ERAP2: variants seen among roughly 807,000 people sequenced by gnomAD.
The protein encoded by ERAP2 is endoplasmic reticulum aminopeptidase 2.
A neutral mutation model predicts 111.1 loss-of-function variants in ERAP2; 118 were observed. The observed-to-expected ratio is 1.06, with a 90% CI of 0.92 to 1.24. The LOEUF (loss-of-function observed/expected upper bound fraction) is 1.24. Ranked by LOEUF, ERAP2 falls within the 50% of genes most tolerant of loss-of-function variation. The pLI is 0.00. For synonymous variants in ERAP2, 410 were observed against 401.2 expected (o/e 1.02, Z -0.26); for missense variants, 1,131 against 1,125.8 (o/e 1.00, Z -0.07).
chr5:96,913,128 G>A (rs767457260), intron 16 of ERAP2, among the ~76,000 whole-genome samples, 189 bp from the exon 17 acceptor site: 2 of 152,070 alleles, frequency 1.3e-5, no homozygotes, highest in Non-Finnish European at 2.9e-5. Context: ...ATAAGTAAAT[G>A]TTTTTGATAG....
In ERAP2 at chr5:96,902,072, C is replaced by T. The variant is rs962749146; in HGVS notation, c.1749-202C>T. Among the ~76,000 whole-genome samples the T allele has an allele frequency of 1.8e-4, 27 of 152,328 alleles. 1 individual carries two copies. Among genetic ancestry groups the T allele is most frequent in the Non-Finnish European group, 1.6e-4 (11 of 68,030 alleles). On this transcript the variant is annotated intron_variant, in intron 11 of 18. Transcript: ENST00000437043. Reference sequence around the variant, plus strand: ...GAGTTCAACTAGGTAGATATGGCTGCTCCTTTATAATTATCATGGAATAAT... The same window carrying T: ...GAGTTCAACTAGGTAGATATGGCTGTTCCTTTATAATTATCATGGAATAAT...
chr5:96,896,649 G>A (rs1390736455), intron 8 of ERAP2, 83 bp from the exon 9 acceptor site: 19 of 1,464,014 alleles, frequency 1.3e-5, no homozygotes, highest in African/African-American at 7.2e-5. Context: ...CACATGTTCC[G>A]TAAAATTTAA....
chr5:96,913,091 T>C (rs1363976), intron 16 of ERAP2, among the ~76,000 whole-genome samples: 98,944 of 152,056 alleles, frequency 0.65, 32,640 homozygotes, highest in African/African-American at 0.75. Context: ...GATGTGTAAA[T>C]GATGCTAATC....
intron 2 of ERAP2, among the ~76,000 whole-genome samples, chr5:96,882,302 G>C (rs960287715): frequency 6.6e-6 from 1 of 152,182 alleles, no homozygotes; most frequent in African/African-American, 2.4e-5. Flanking sequence ...TATTCTGGGA[G>C]CTGTGGGAGA....
intron 13 of ERAP2, among the ~76,000 whole-genome samples, chr5:96,905,980 T>A (rs1786035083): frequency 6.7e-6 from 1 of 149,524 alleles, no homozygotes; most frequent in African/African-American, 2.5e-5. Context: ...GGTCTCCCTA[T>A]ATTGTACAGG....
At chr5:96,888,580 T>C (rs1784005111) in intron 4 of ERAP2, among the ~76,000 whole-genome samples, 1 of 152,226 alleles carries the variant, frequency 6.6e-6, no homozygotes, top group South Asian at 2.1e-4. Context: ...TTGAAGGACT[T>C]CAGTTAATTC....
chr5:96,876,797 A>G (rs1782580379), intron 1 of ERAP2, among the ~76,000 whole-genome samples: 1 of 152,040 alleles, frequency 6.6e-6, no homozygotes, highest in African/African-American at 2.4e-5. Context: ...CTTCAATCCC[A>G]GGATGTTTTG....
At chr5:96,897,746 T>A (rs2113189) in intron 9 of ERAP2, among the ~76,000 whole-genome samples, 82,288 of 151,992 alleles carry the variant, frequency 0.54, 22,343 homozygotes, top group Admixed American at 0.59. Context: ...AAGAAAATAA[T>A]TTTTTATAGA....
chr5:96,903,771 G>A (rs1785742389), intron 13 of ERAP2, among the ~76,000 whole-genome samples: 1 of 152,108 alleles, frequency 6.6e-6, no homozygotes. Context: ...TTAAAATGTG[G>A]AGAACTTTAC....
rs559947285 is a variant in ERAP2 at position 96,876,783 on chromosome 5, G to T, written c.-123+256G>T. Among the ~76,000 whole-genome samples the T allele has an allele frequency of 7.2e-5, 11 of 152,102 alleles. No individual in the cohort carries two copies. The South Asian group carries it at 2.3e-3, about 32-fold the overall frequency. On this transcript the variant is annotated intron_variant, in intron 1 of 18. Coordinates refer to ENST00000437043, the MANE Select transcript of ERAP2 (RefSeq NM_022350.5). ...TTTCTAAGCGTTTGTGACAATTCTT[G>T]CCTCTTCAATCCCAGGATGTTTTGT...
intron 15 of ERAP2, chr5:96,910,188 C>T (rs2548525): frequency 0.54 from 85,821 of 158,700 alleles, 23,225 homozygotes; most frequent in Admixed American, 0.59. Context: ...TTGCTTGAAC[C>T]TGGGAAGCAG....
At chr5:96,913,605 G>T in intron 17 of ERAP2, 148 bp downstream of exon 17, 1 of 916,916 alleles carries the variant, frequency 1.1e-6, no homozygotes, top group Non-Finnish European at 1.7e-6. Context: ...AAACTCCCTA[G>T]CCCAAATTAT....
At chr5:96,909,970 A>C (rs1463042974) in intron 15 of ERAP2, 1 of 490,606 alleles carries the variant, frequency 2.0e-6, no homozygotes, top group African/African-American at 1.9e-5. Flanking sequence ...AATGGTGTCC[A>C]TTATTCCGGT....
chr5:96,879,577 A>G lies in ERAP2; in HGVS notation c.-109A>G, dbSNP rs1240197726. 2 of 742,998 alleles carry G rather than the reference A, an allele frequency of 2.7e-6. No homozygotes were observed. The highest frequency in any genetic ancestry group is 2.7e-5 in the Admixed American group (1 of 37,066). 46.0% of individuals were successfully genotyped at this position (742,998 alleles called of 1,614,324 possible). ...TTTTTCTTCTAGATTAAATTCATGT[A>G]TTGAAAATATTGTTCAGACCCCATG... is the stretch of plus-strand genomic sequence containing the variant. On this transcript the variant is annotated 5_prime_UTR_variant, in exon 2 of 19. Coordinates refer to ENST00000437043, the MANE Select transcript of ERAP2 (RefSeq NM_022350.5).
At chr5:96,915,299 G>A (rs2548520) in intron 17 of ERAP2, among the ~76,000 whole-genome samples, 82,411 of 151,990 alleles carry the variant, frequency 0.54, 22,410 homozygotes, top group Admixed American at 0.59. Context: ...GTGAGCCACC[G>A]CGCCCAGCCC....
At chr5:96,882,599 T>G (rs1035306379) in intron 2 of ERAP2, among the ~76,000 whole-genome samples, 14 of 152,382 alleles carry the variant, frequency 9.2e-5, no homozygotes, top group Middle Eastern at 3.4e-3. Flanking sequence ...AGAGTTCCAA[T>G]GAATCGTGTA....
At chr5:96,899,926 A>G (rs775009886) in intron 9 of ERAP2, among the ~76,000 whole-genome samples, 195 bp from the exon 10 acceptor site, 4 of 152,226 alleles carry the variant, frequency 2.6e-5, no homozygotes, top group African/African-American at 7.2e-5. Flanking sequence ...ATATAACACA[A>G]AGAAATAACT....
intron 18 of ERAP2, among the ~76,000 whole-genome samples, chr5:96,916,227 A>G (rs1787362869): frequency 8.3e-6 from 1 of 120,898 alleles, no homozygotes; most frequent in Admixed American, 8.0e-5. Context: ...TCTCAAAAAA[A>G]CAAAAAACAA....
chr5:96,902,270 A>T lies in ERAP2; in HGVS notation c.1749-4A>T. 1 of 1,587,910 alleles carries T rather than the reference A, an allele frequency of 6.3e-7. No homozygotes were observed. The highest frequency in any genetic ancestry group is 8.6e-7 in the Non-Finnish European group (1 of 1,156,262). On this transcript the variant is annotated splice_region_variant and splice_polypyrimidine_tract_variant and intron_variant, in intron 11 of 18. Transcript: ENST00000437043. ...TCTGTAACTATCTTTACTCTCTGTC[A>T]TAGGTACCTGTGGCATATCCCATTG... is the stretch of plus-strand genomic sequence containing the variant.
Sources: allele counts gnomAD v4.1 joint callset (sites outside exome capture counted in the v4.1 genomes callset), GRCh38; gene constraint gnomAD v4.1.1; transcripts MANE v1.5; gene names NCBI Gene and HGNC (gene_info 2026-07-23, HGNC 2026-07-21).